Variants in ZNF148 observed in about 807,000 individuals in gnomAD.
ZNF148 encodes the protein Beta-Enolase Repressor Factor-1.
A neutral mutation model predicts 67.7 loss-of-function variants in ZNF148; 7 were observed. The observed-to-expected ratio is 0.10, with a 90% CI of 0.06 to 0.19. The LOEUF is 0.19. Ranked by LOEUF, ZNF148 falls within the 10% of genes least tolerant of loss-of-function variation. The pLI is 1.00. For synonymous variants in ZNF148, 333 were observed against 330.7 expected, an observed-to-expected ratio of 1.01 and a Z score of -0.08; for missense variants, 583 against 947.1, an observed-to-expected ratio of 0.62 and a Z score of 5.05.
intron 3 of ZNF148, among the ~76,000 whole-genome samples, chr3:125,322,130 C>T (rs370904273): frequency 2.0e-5 from 3 of 150,674 alleles, no homozygotes; most frequent in Admixed American, 6.6e-5. Flanking sequence ...CCCAGGTTCC[C>T]GCCATTCTCC....
chr3:125,348,480 CAAAA>C (rs35810148), intron 1 of ZNF148, among the ~76,000 whole-genome samples: 1 of 60,726 alleles, frequency 1.6e-5, no homozygotes, highest in Non-Finnish European at 3.0e-5. Context: ...GACCCTGTCT[CAAAA>C]AAAAAAAAAA....
intron 1 of ZNF148, among the ~76,000 whole-genome samples, chr3:125,335,969 A>G (rs1941473882): frequency 6.6e-6 from 1 of 152,234 alleles, no homozygotes; most frequent in Admixed American, 6.5e-5. Context: ...TCCCACAAAA[A>G]TTCTGTCAAG....
At chr3:125,315,331 A>C (rs539078492) in intron 3 of ZNF148, among the ~76,000 whole-genome samples, 1 of 152,276 alleles carries the variant, frequency 6.6e-6, no homozygotes, top group Admixed American at 6.5e-5. Context: ...ATAAACTGAC[A>C]GGAACACTAT....
intron 7 of ZNF148, among the ~76,000 whole-genome samples, chr3:125,275,883 C>G (rs188253904): frequency 6.6e-6 from 1 of 152,140 alleles, no homozygotes; most frequent in South Asian, 2.1e-4. Context: ...TTAACTTAGC[C>G]TCATGTGGCT....
intron 2 of ZNF148, among the ~76,000 whole-genome samples, chr3:125,326,445 C>T (rs1421510899): frequency 1.3e-5 from 2 of 151,496 alleles, no homozygotes; most frequent in African/African-American, 2.4e-5. Flanking sequence ...TGTTAAAATG[C>T]ATAATCCTGA....
At chr3:125,350,377 C>G (rs912144001) in intron 1 of ZNF148, among the ~76,000 whole-genome samples, 1 of 152,104 alleles carries the variant, frequency 6.6e-6, no homozygotes, top group African/African-American at 2.4e-5. Flanking sequence ...GTTGGCCAGG[C>G]GGGTCTCAAA....
At chr3:125,299,440 G>A (rs913457580) in intron 4 of ZNF148, among the ~76,000 whole-genome samples, 1 of 152,212 alleles carries the variant, frequency 6.6e-6, no homozygotes, top group East Asian at 1.9e-4. Context: ...TGAGGCAAAA[G>A]ACTGGCTTGA....
intron 1 of ZNF148, among the ~76,000 whole-genome samples, chr3:125,371,658 C>A (rs866603665): frequency 0.094 from 4,751 of 50,476 alleles, 215 homozygotes; most frequent in South Asian, 0.21. Flanking sequence ...GACTCCGTCC[C>A]AAAAAAAAAA....
At chr3:125,358,001 A>T (rs1317424497) in intron 1 of ZNF148, among the ~76,000 whole-genome samples, 1 of 152,208 alleles carries the variant, frequency 6.6e-6, no homozygotes, top group East Asian at 1.9e-4. Flanking sequence ...TTACTTTTCT[A>T]ATACTTGAAG....
chr3:125,373,257 A>ATGGTGGGGTTTCACATAG (rs1942948686), intron 1 of ZNF148, among the ~76,000 whole-genome samples: 1 of 148,094 alleles, frequency 6.8e-6, no homozygotes, highest in Non-Finnish European at 1.5e-5. Flanking sequence ...CCAGCCTGGC[A>ATGGTGGGGTTTCACATAG]TGGTGGGGTT....
intron 2 of ZNF148, among the ~76,000 whole-genome samples, 166 bp downstream of exon 2, chr3:125,330,983 CATATTATTT>C (rs772367114): frequency 2.0e-5 from 3 of 151,856 alleles, no homozygotes; most frequent in African/African-American, 2.4e-5. Context: ...TCCATATCTA[CATATTATTT>C]ATAATATTTA....
intron 4 of ZNF148, among the ~76,000 whole-genome samples, chr3:125,291,517 C>T (rs1939011499): frequency 6.6e-6 from 1 of 152,114 alleles, no homozygotes; most frequent in Non-Finnish European, 1.5e-5. Flanking sequence ...TCTTCCAACC[C>T]AGTAGAGTAA....
intron 7 of ZNF148, among the ~76,000 whole-genome samples, chr3:125,269,343 C>T (rs1044174475): frequency 4.6e-5 from 7 of 150,990 alleles, no homozygotes; most frequent in African/African-American, 7.3e-5. Flanking sequence ...ATCATGCCAT[C>T]GCACACCAGC....
rs986532209 is a variant in ZNF148, at chr3:125,260,052, G to C, written c.667+17674C>G. Among the ~76,000 whole-genome samples, 3 of 152,326 alleles carry C rather than the reference G, an allele frequency of 2.0e-5. No homozygotes were observed. The East Asian group carries it at 5.8e-4, about 29-fold the overall frequency. ...GAGGGAACAGCCAGTTGGTGGAGCA[G>C]TTGGAACACACACAACACTTATCGA... On this transcript the variant is annotated intron_variant, in intron 7 of 8. Coordinates refer to ENST00000360647, the MANE Select transcript of ZNF148 (RefSeq NM_021964.3).
chr3:125,349,808 T>C (rs957203593), intron 1 of ZNF148, among the ~76,000 whole-genome samples: 1 of 152,206 alleles, frequency 6.6e-6, no homozygotes, highest in Non-Finnish European at 1.5e-5. Context: ...ACCACTGCAC[T>C]ACAGCTCAGA....
chr3:125,367,736 A>G (rs1305161476), intron 1 of ZNF148, among the ~76,000 whole-genome samples: 2 of 152,236 alleles, frequency 1.3e-5, no homozygotes, highest in Non-Finnish European at 2.9e-5. Context: ...TGAGAAAAGC[A>G]TGCAGGAAAA....
chr3:125,329,329 T>TTA (rs2107707571), intron 2 of ZNF148, among the ~76,000 whole-genome samples: 1 of 110,060 alleles, frequency 9.1e-6, no homozygotes, highest in East Asian at 2.0e-4. Context: ...ATATAATTTT[T>TTA]TATATATATA....
At chr3:125,331,266 C>G (rs113207372) in intron 1 of ZNF148, 28 bp from the exon 2 acceptor site, 1 of 398,320 alleles carries the variant, frequency 2.5e-6, no homozygotes, top group Non-Finnish European at 4.4e-6. Context: ...TACAGGTTAA[C>G]CCCCAAAAGA....
intron 1 of ZNF148, among the ~76,000 whole-genome samples, chr3:125,340,718 G>C (rs756869706): frequency 1.4e-4 from 21 of 152,238 alleles, no homozygotes; most frequent in Non-Finnish European, 2.5e-4. Context: ...CGGGCGCGGT[G>C]GCTCATGCCT....
Sources: allele counts gnomAD v4.1 joint callset (sites outside exome capture counted in the v4.1 genomes callset), GRCh38; gene constraint gnomAD v4.1.1; transcripts MANE v1.5; gene names NCBI Gene and HGNC (gene_info 2026-07-23, HGNC 2026-07-21).